OSBP2: variants seen among roughly 807,000 people sequenced by gnomAD.
OSBP2 encodes oxysterol-binding protein 2.
A neutral mutation model predicts 96.0 loss-of-function variants in OSBP2; 66 were observed. The ratio of observed to expected loss-of-function variants is 0.69; its 90% CI spans 0.56 to 0.84. OSBP2 has a LOEUF of 0.84. Among genes scored for constraint, OSBP2 ranks in the 40% least tolerant of loss-of-function variants. The pLI, the probability that OSBP2 is intolerant of heterozygous loss-of-function variation, is 0.00. For missense variants in OSBP2, 1,038 were observed against 1,222.7 expected (o/e 0.85, Z 2.25); for synonymous variants, 525 against 520.9 (o/e 1.01, Z -0.11).
intron 2 of OSBP2, among the ~76,000 whole-genome samples, chr22:30,783,302 CTTTTTTTTTTT>C (rs35470453): frequency 5.8e-5 from 2 of 34,708 alleles, no homozygotes; most frequent in African/African-American, 1.4e-4. Flanking sequence ...ATTCAGAGAG[CTTTTTTTTTTT>C]TTTTTTTTTT....
rs1177106594 is a variant in OSBP2, at chr22:30,906,373, C to T, written c.*34C>T. The T allele has an allele frequency of 1.3e-6, 2 of 1,557,270 alleles. No individual in the cohort carries two copies. The highest frequency in any genetic ancestry group is 1.7e-6 in the Non-Finnish European group (2 of 1,151,432). ...CTTGCAACAAATACAGGCGCCTGCA[C>T]AGCCTGGCCCACCTGTTCATTAATG... On this transcript the variant is annotated 3_prime_UTR_variant, in exon 14 of 14. Transcript: ENST00000332585.
chr22:30,752,533 G>T (rs187640411), intron 2 of OSBP2, among the ~76,000 whole-genome samples: 5 of 151,698 alleles, frequency 3.3e-5, no homozygotes, highest in African/African-American at 1.2e-4. Flanking sequence ...CTTGTGATCC[G>T]CCTGCCTTGG....
intron 2 of OSBP2, among the ~76,000 whole-genome samples, chr22:30,777,354 T>C (rs2090451142): frequency 6.6e-6 from 1 of 152,320 alleles, no homozygotes; most frequent in East Asian, 1.9e-4. Flanking sequence ...GTTCTCATGA[T>C]GGTGAATAAG....
chr22:30,903,530 TG>T (rs1415728481), intron 12 of OSBP2, among the ~76,000 whole-genome samples: 1 of 152,200 alleles, frequency 6.6e-6, no homozygotes, highest in African/African-American at 2.4e-5. Flanking sequence ...GAAAACACAG[TG>T]AATGTTCGTA....
intron 2 of OSBP2, among the ~76,000 whole-genome samples, chr22:30,824,812 G>A (rs78273030): frequency 2.1e-3 from 319 of 152,304 alleles, no homozygotes; most frequent in Non-Finnish European, 3.4e-3. Context: ...CCGGGATGCC[G>A]AGGGATGAGG....
intron 2 of OSBP2, among the ~76,000 whole-genome samples, chr22:30,820,321 T>G (rs8137788): frequency 0.048 from 7,301 of 152,052 alleles, 591 homozygotes; most frequent in African/African-American, 0.17. Context: ...CCCAGGCATT[T>G]GAGTCTGCAG....
chr22:30,701,754 C>T (rs548654832), intron 1 of OSBP2, among the ~76,000 whole-genome samples: 18 of 152,234 alleles, frequency 1.2e-4, no homozygotes, highest in Admixed American at 2.6e-4. Flanking sequence ...GGTTAGTCCT[C>T]ACATAATGGG....
At chr22:30,796,587 C>T (rs1409334535) in intron 2 of OSBP2, among the ~76,000 whole-genome samples, 1 of 151,984 alleles carries the variant, frequency 6.6e-6, no homozygotes, top group Non-Finnish European at 1.5e-5. Flanking sequence ...TTTACTGCAA[C>T]CTCCACCTCC....
At chr22:30,757,863 C>T (rs144142890) in intron 2 of OSBP2, among the ~76,000 whole-genome samples, 3 of 152,286 alleles carry the variant, frequency 2.0e-5, no homozygotes, top group African/African-American at 7.2e-5. Flanking sequence ...AGAAGTGAAC[C>T]TGGGTGTCAC....
intron 12 of OSBP2, among the ~76,000 whole-genome samples, chr22:30,896,822 A>AT (rs975472317): frequency 6.6e-6 from 1 of 151,878 alleles, no homozygotes; most frequent in Non-Finnish European, 1.5e-5. Context: ...ATTTTTAAAA[A>AT]TTTTTTATAG....
intron 8 of OSBP2, among the ~76,000 whole-genome samples, chr22:30,892,376 A>G (rs2039968576): frequency 6.6e-6 from 1 of 152,014 alleles, no homozygotes; most frequent in Non-Finnish European, 1.5e-5. Context: ...CCTCTTACAG[A>G]GACAGGAAGT....
intron 1 of OSBP2, among the ~76,000 whole-genome samples, chr22:30,737,692 T>C (rs1254792708): frequency 6.6e-6 from 1 of 151,874 alleles, no homozygotes; most frequent in Admixed American, 6.6e-5. Context: ...ATGTTCACTG[T>C]CTTAGTTTTA....
chr22:30,714,715 C>T (rs2089418926), intron 1 of OSBP2, among the ~76,000 whole-genome samples: 1 of 152,182 alleles, frequency 6.6e-6, no homozygotes, highest in Non-Finnish European at 1.5e-5. Flanking sequence ...CTCCCGGGTT[C>T]AAGCGATTCT....
At chr22:30,898,036 T>TAATGTTGAGGCTTTCTCCC (rs1354885809) in intron 12 of OSBP2, among the ~76,000 whole-genome samples, 1 of 152,152 alleles carries the variant, frequency 6.6e-6, no homozygotes, top group Admixed American at 6.5e-5. Context: ...TTAAATCATT[T>TAATGTTGAGGCTTTCTCCC]AATGTTGAGG....
At chr22:30,872,092 C>A (rs899409567) in intron 3 of OSBP2, among the ~76,000 whole-genome samples, 1 of 152,204 alleles carries the variant, frequency 6.6e-6, no homozygotes, top group African/African-American at 2.4e-5. Context: ...GGGTGGGGGG[C>A]AGTTGGCCCC....
chr22:30,721,704 GAAT>G (rs1006725743), intron 1 of OSBP2, among the ~76,000 whole-genome samples: 19 of 152,238 alleles, frequency 1.2e-4, no homozygotes, highest in African/African-American at 3.9e-4. Flanking sequence ...CAAAATTCCT[GAAT>G]AAATTGTATG....
intron 2 of OSBP2, among the ~76,000 whole-genome samples, chr22:30,855,763 C>T (rs1569151820): frequency 1.3e-5 from 2 of 152,210 alleles, no homozygotes; most frequent in Non-Finnish European, 2.9e-5. Context: ...AGAGGAGCCC[C>T]ATCCAGGCCA....
chr22:30,862,700 G>A (rs1037200809), intron 2 of OSBP2, among the ~76,000 whole-genome samples: 4 of 151,166 alleles, frequency 2.6e-5, no homozygotes, highest in Admixed American at 6.6e-5. Flanking sequence ...AAGGCTAGGC[G>A]CGGTGGCTTG....
chr22:30,893,096 C>A (rs754080763), intron 8 of OSBP2, 26 bp from the exon 9 acceptor site: 2 of 1,611,358 alleles, frequency 1.2e-6, no homozygotes, highest in African/African-American at 2.7e-5. Context: ...CTGGCAGATG[C>A]TCACATCCTA....
Sources: gnomAD v4.1 joint callset for allele counts (sites outside exome capture counted in the v4.1 genomes callset) on GRCh38, gnomAD v4.1.1 for gene constraint, MANE v1.5 for transcripts, NCBI Gene and HGNC (gene_info 2026-07-23, HGNC 2026-07-21) for gene names.